The following AP3B1 variants were observed in gnomAD, a reference collection of about 807,000 sequenced individuals.
AP3B1 encodes the protein adaptor related protein complex 3 subunit beta 1, also known as AP-3 complex subunit beta-1.
Under a neutral mutation model 132.5 loss-of-function variants are expected in AP3B1, and 61 were observed. The ratio of observed to expected loss-of-function variants is 0.46; its 90% CI spans 0.37 to 0.57. The LOEUF is 0.57. Ranked by LOEUF, AP3B1 falls within the 20% of genes least tolerant of loss-of-function variation. AP3B1 has a pLI of 0.00. For synonymous variants in AP3B1, 388 were observed against 438.3 expected (o/e 0.89, Z 1.43); for missense variants, 1,120 against 1,289.4 (o/e 0.87, Z 2.01).
rs1032929341 is a variant in AP3B1, at chr5:78,017,650, A to T, written c.2993-2102T>A. On this transcript the variant is annotated intron_variant, in intron 25 of 26. Coordinates refer to ENST00000255194, the MANE Select transcript of AP3B1 (RefSeq NM_003664.5). ...TAAGTAAACATTTTAGGTTTCTTAA[A>T]CCAGAGATTTTTCTAAATGAAACTA... Among the ~76,000 whole-genome samples the T allele has an allele frequency of 3.9e-5, 6 of 152,226 alleles. No individual in the cohort carries two copies. The South Asian group carries it at 1.2e-3, about 32-fold the overall frequency.
At chr5:78,003,628 C>T (rs185770785) in intron 26 of AP3B1, 2 of 163,272 alleles carry the variant, frequency 1.2e-5, no homozygotes, top group African/African-American at 4.8e-5. Context: ...AGCAAAATCA[C>T]GTGACAGCTA....
rs992037835 is a variant in AP3B1 at position 78,216,792 on chromosome 5, A to C, written c.604-555T>G. ...ACCCAATATAATTTATTTACAAAGA[A>C]AACACACTGGCTGAAATTTTAGAAC... On this transcript the variant is annotated intron_variant, in intron 6 of 26. Transcript: ENST00000255194. Among the ~76,000 whole-genome samples the C allele has an allele frequency of 2.0e-5, 3 of 152,290 alleles. No individual in the cohort carries two copies. In the South Asian group the frequency reaches 6.2e-4, roughly 32 times the overall value.
chr5:78,129,510 T>C (rs1170921186), intron 15 of AP3B1, among the ~76,000 whole-genome samples: 1 of 151,990 alleles, frequency 6.6e-6, no homozygotes. Flanking sequence ...AGGTGAATGC[T>C]GAGTATTGAG....
chr5:78,229,290 A>G (rs1321141823), intron 3 of AP3B1, among the ~76,000 whole-genome samples: 1 of 152,200 alleles, frequency 6.6e-6, no homozygotes, highest in Non-Finnish European at 1.5e-5. Context: ...AAAATTATGA[A>G]CAGAAAAAGA....
Position 78,175,653 on chromosome 5 carries a change from A to G in AP3B1, c.1140T>C (p.Thr380=), listed in dbSNP as rs752592265. ...TCAGTGTCTTGATCATAGTTGGATC[A>G]GTTGACCTAACATAGAAACTCTTCA... is the stretch of plus-strand genomic sequence containing the variant. ...PYLKSFYVRS[T]DPTMIKTLKL... Residue 380 remains threonine, a synonymous_variant, in exon 11 of 27, where the codon ACT becomes ACC. Coordinates refer to ENST00000255194, the MANE Select transcript of AP3B1 (RefSeq NM_003664.5). The G allele has an allele frequency of 1.2e-6, 2 of 1,613,542 alleles. No individual in the cohort carries two copies. Among genetic ancestry groups the G allele is most frequent in the Non-Finnish European group, 1.7e-6 (2 of 1,179,638 alleles).
chr5:78,063,487 A>G (rs1233856309), intron 22 of AP3B1, among the ~76,000 whole-genome samples: 1 of 152,214 alleles, frequency 6.6e-6, no homozygotes, highest in Non-Finnish European at 1.5e-5. Flanking sequence ...TCAGTTTTTG[A>G]GGAACAATTT....
chr5:78,107,481 T>A (rs1017208766), intron 20 of AP3B1, among the ~76,000 whole-genome samples: 20 of 152,150 alleles, frequency 1.3e-4, no homozygotes, highest in African/African-American at 4.3e-4. Context: ...AATGCCACAG[T>A]TGGCAGAAAA....
chr5:78,057,458 G>A (rs959480823), intron 22 of AP3B1, among the ~76,000 whole-genome samples: 18 of 152,126 alleles, frequency 1.2e-4, no homozygotes, highest in Non-Finnish European at 2.5e-4. Flanking sequence ...CATATGATAT[G>A]AAACAATTTC....
At chr5:78,228,714 T>A (rs1381139427) in intron 3 of AP3B1, among the ~76,000 whole-genome samples, 1 of 152,080 alleles carries the variant, frequency 6.6e-6, no homozygotes, top group South Asian at 2.1e-4. Context: ...GAGAAAGAAT[T>A]TGGGCCCAGG....
chr5:78,265,237 C>T lies in AP3B1; in HGVS notation c.204+2283G>A, dbSNP rs528636631. On this transcript the variant is annotated intron_variant, in intron 2 of 26. Transcript: ENST00000255194. ...AGATCAAGTAAAACCAAGAGTTCTA[C>T]ACCAGCCTGGGCAATATAGCAAGAC... Among the ~76,000 whole-genome samples, 17 of 152,082 alleles carry T rather than the reference C, an allele frequency of 1.1e-4. No homozygotes were observed. The Middle Eastern group carries it at 0.01, about 91-fold the overall frequency.
intron 22 of AP3B1, among the ~76,000 whole-genome samples, chr5:78,040,806 G>A (rs934015240): frequency 2.6e-5 from 4 of 152,014 alleles, no homozygotes; most frequent in African/African-American, 7.3e-5. Flanking sequence ...TCACTATGCC[G>A]TGTACACCTG....
intron 1 of AP3B1, among the ~76,000 whole-genome samples, chr5:78,279,875 T>TATATATGACTTAAATATAC (rs1251217765): frequency 1.0e-4 from 15 of 145,438 alleles, no homozygotes; most frequent in Non-Finnish European, 1.5e-4. Context: ...TAAATATATA[T>TATATATGACTTAAATATAC]ATATATGACT....
intron 7 of AP3B1, among the ~76,000 whole-genome samples, chr5:78,187,584 G>A (rs1019253561): frequency 2.0e-5 from 3 of 152,000 alleles, no homozygotes; most frequent in African/African-American, 4.8e-5. Context: ...AAATCAAAGA[G>A]GACAAAAGCA....
rs930315309 is a variant in AP3B1 at position 78,254,014 on chromosome 5, T to C, written c.205-13078A>G. Among the ~76,000 whole-genome samples the C allele has an allele frequency of 3.3e-5, 5 of 150,336 alleles. No homozygotes were observed. In the East Asian group the frequency reaches 9.8e-4, roughly 29 times the overall value. On this transcript the variant is annotated intron_variant, in intron 2 of 26. Coordinates refer to ENST00000255194, the MANE Select transcript of AP3B1 (RefSeq NM_003664.5). ...AATTTAACAAAGAGATTGAAACAGT[T>C]AAAAAGAATCAATCAGAAATTCTAG...
At chr5:78,103,411 T>G (rs1254358087) in intron 20 of AP3B1, among the ~76,000 whole-genome samples, 1 of 152,156 alleles carries the variant, frequency 6.6e-6, no homozygotes, top group African/African-American at 2.4e-5. Flanking sequence ...GCATGAGCCA[T>G]GGAGCTGCAG....
intron 1 of AP3B1, among the ~76,000 whole-genome samples, chr5:78,277,853 TATATCTTCC>T (rs1288787979): frequency 6.6e-6 from 1 of 152,214 alleles, no homozygotes; most frequent in African/African-American, 2.4e-5. Flanking sequence ...AAACCAAGCA[TATATCTTCC>T]ATGTCTTCAT....
chr5:78,262,363 C>T (rs940212350), intron 2 of AP3B1, among the ~76,000 whole-genome samples: 12 of 152,102 alleles, frequency 7.9e-5, no homozygotes, highest in Admixed American at 7.2e-4. Flanking sequence ...TTAGCTCTTA[C>T]ATTTAGGTCT....
chr5:78,291,391 T>C (rs1749514963), intron 1 of AP3B1, among the ~76,000 whole-genome samples: 1 of 131,080 alleles, frequency 7.6e-6, no homozygotes, highest in African/African-American at 2.8e-5. Flanking sequence ...GACATCTGCA[T>C]GGTCTCAGTG....
chr5:78,149,352 T>C (rs902595502), intron 14 of AP3B1, among the ~76,000 whole-genome samples: 3 of 152,164 alleles, frequency 2.0e-5, no homozygotes, highest in African/African-American at 4.8e-5. Context: ...AAATATAAAA[T>C]AGGAATATTA....
Sources: allele counts gnomAD v4.1 joint callset (sites outside exome capture counted in the v4.1 genomes callset), GRCh38; gene constraint gnomAD v4.1.1; transcripts MANE v1.5; gene names NCBI Gene and HGNC (gene_info 2026-07-23, HGNC 2026-07-21).